Variants in ASTN2 observed in about 807,000 individuals in gnomAD.
ASTN2 encodes astrotactin 2.
Under a neutral mutation model 139.8 loss-of-function variants are expected in ASTN2, and 54 were observed. The ratio of observed to expected loss-of-function variants is 0.39; its 90% confidence interval spans 0.31 to 0.48. The LOEUF is 0.48. ASTN2 is among the 20% of genes least tolerant of loss of function. ASTN2 has a pLI of 0.95. For missense variants in ASTN2, 1,565 were observed against 1,725.1 expected (o/e 0.91, Z 1.64); for synonymous variants, 756 against 719.5 (o/e 1.05, Z -0.81).
chr9:117,240,636 T>C (rs1403425061), intron 2 of ASTN2, among the ~76,000 whole-genome samples: 1 of 152,184 alleles, frequency 6.6e-6, no homozygotes, highest in Non-Finnish European at 1.5e-5. Flanking sequence ...ACACTGGAGC[T>C]ACCCCATAGA....
chr9:116,638,805 A>G (rs993317921), intron 17 of ASTN2, among the ~76,000 whole-genome samples: 1 of 147,904 alleles, frequency 6.8e-6, no homozygotes, highest in Non-Finnish European at 1.5e-5. Context: ...AAAACAAACA[A>G]GTACCAAAGA....
At chr9:117,267,605 A>G (rs1833965149) in intron 2 of ASTN2, among the ~76,000 whole-genome samples, 1 of 152,216 alleles carries the variant, frequency 6.6e-6, no homozygotes, top group Admixed American at 6.5e-5. Context: ...AATTATTTCC[A>G]AGTAAAAAAT....
At chr9:116,531,369 A>G (rs775319632) in intron 19 of ASTN2, among the ~76,000 whole-genome samples, 58 of 152,242 alleles carry the variant, frequency 3.8e-4, no homozygotes, top group South Asian at 1.9e-3. Flanking sequence ...ACTGATGTTT[A>G]CAATTTTTTT....
At chr9:116,713,188 G>C (rs1364307036) in intron 16 of ASTN2, among the ~76,000 whole-genome samples, 2 of 152,120 alleles carry the variant, frequency 1.3e-5, no homozygotes, top group African/African-American at 2.4e-5. Flanking sequence ...GTTAAATTAA[G>C]GATCTTTCTA....
At chr9:116,899,022 T>C (rs953149218) in intron 10 of ASTN2, among the ~76,000 whole-genome samples, 3 of 152,164 alleles carry the variant, frequency 2.0e-5, no homozygotes, top group Non-Finnish European at 4.4e-5. Context: ...CTAACCCCCA[T>C]GGAATCAGGT....
chr9:116,878,524 G>A (rs1833363788), intron 10 of ASTN2, among the ~76,000 whole-genome samples: 1 of 152,004 alleles, frequency 6.6e-6, no homozygotes, highest in African/African-American at 2.4e-5. Context: ...CACAGGGAGG[G>A]GAACAACACA....
chr9:116,976,297 A>T (rs1006641862), intron 8 of ASTN2, 109 bp from the exon 9 acceptor site: 45 of 845,998 alleles, frequency 5.3e-5, no homozygotes, highest in Non-Finnish European at 8.0e-5. Flanking sequence ...ACTCTGCAGA[A>T]ATAATTATTG....
intron 13 of ASTN2, among the ~76,000 whole-genome samples, chr9:116,760,885 G>A (rs1032784502): frequency 6.6e-6 from 1 of 152,162 alleles, no homozygotes; most frequent in African/African-American, 2.4e-5. Context: ...ACAAACATCT[G>A]TAGGAACACC....
chr9:117,379,789 A>G (rs922110620), intron 1 of ASTN2, among the ~76,000 whole-genome samples: 2 of 152,200 alleles, frequency 1.3e-5, no homozygotes, highest in African/African-American at 2.4e-5. Flanking sequence ...TCTCTCATCT[A>G]TATATTTTAT....
chr9:116,434,445 G>T (rs978931983), intron 22 of ASTN2, among the ~76,000 whole-genome samples: 2 of 152,184 alleles, frequency 1.3e-5, no homozygotes, highest in Non-Finnish European at 2.9e-5. Context: ...GAACACAGCA[G>T]TGGATGTGTA....
chr9:116,558,344 A>T (rs756992919), intron 19 of ASTN2, among the ~76,000 whole-genome samples: 1 of 151,956 alleles, frequency 6.6e-6, no homozygotes, highest in Non-Finnish European at 1.5e-5. Context: ...ATACCTCTGC[A>T]AGACAAGTAT....
At chr9:116,905,874 GGT>G in intron 10 of ASTN2, among the ~76,000 whole-genome samples, 1 of 147,966 alleles carries the variant, frequency 6.8e-6, no homozygotes, top group African/African-American at 2.5e-5. Flanking sequence ...TTTGGGGGGG[GGT>G]GCGGGGGGTG....
At chr9:116,668,922 C>T (rs972785435) in intron 16 of ASTN2, among the ~76,000 whole-genome samples, 2 of 152,118 alleles carry the variant, frequency 1.3e-5, no homozygotes, top group Admixed American at 6.5e-5. Flanking sequence ...GAGACTCAGG[C>T]ACCAGACCAG....
At chr9:116,724,950 G>A (rs988444586) in intron 16 of ASTN2, among the ~76,000 whole-genome samples, 1 of 152,188 alleles carries the variant, frequency 6.6e-6, no homozygotes, top group African/African-American at 2.4e-5. Flanking sequence ...ATGAGTACTT[G>A]ATGTGGCATA....
chr9:117,156,577 G>T (rs1269141876), intron 3 of ASTN2, among the ~76,000 whole-genome samples: 3 of 151,960 alleles, frequency 2.0e-5, no homozygotes, highest in Non-Finnish European at 4.4e-5. Flanking sequence ...GTGAACCAAT[G>T]GACTAAGGTA....
At chr9:116,430,464 G>A (rs1022669047) in intron 22 of ASTN2, among the ~76,000 whole-genome samples, 5 of 152,182 alleles carry the variant, frequency 3.3e-5, no homozygotes, top group African/African-American at 1.2e-4. Flanking sequence ...TCCATAAAAT[G>A]TGAATAATGG....
At chr9:117,188,883 C>A (rs16934379) in intron 3 of ASTN2, among the ~76,000 whole-genome samples, 1 of 152,042 alleles carries the variant, frequency 6.6e-6, no homozygotes, top group Admixed American at 6.6e-5. Context: ...GCAGGCAGGT[C>A]GGTGGCCTCT....
chr9:116,560,646 T>C (rs936553501), intron 19 of ASTN2, among the ~76,000 whole-genome samples: 1 of 152,212 alleles, frequency 6.6e-6, no homozygotes, highest in Non-Finnish European at 1.5e-5. Context: ...TCAATTGATG[T>C]GTTTGTCTCC....
intron 2 of ASTN2, among the ~76,000 whole-genome samples, chr9:117,252,650 T>C (rs1833570966): frequency 6.6e-6 from 1 of 152,226 alleles, no homozygotes; most frequent in Admixed American, 6.5e-5. Flanking sequence ...TCTTGTACTA[T>C]TTAATCAGCA....
Sources: allele counts gnomAD v4.1 joint callset (sites outside exome capture counted in the v4.1 genomes callset), GRCh38; gene constraint gnomAD v4.1.1; transcripts MANE v1.5; gene names NCBI Gene and HGNC (gene_info 2026-07-23, HGNC 2026-07-21).